Variants in RMDN2 observed in about 807,000 individuals in gnomAD.
RMDN2 encodes the protein regulator of microtubule dynamics 2, also known as regulator of microtubule dynamics protein 2.
A neutral mutation model predicts 52.8 loss-of-function variants in RMDN2; 61 were observed. That is an observed-to-expected ratio of 1.16 (90% CI 0.94 to 1.43). The LOEUF is 1.43. Ranked by LOEUF, RMDN2 falls within the 40% of genes most tolerant of loss-of-function variation. RMDN2 has a pLI of 0.00. For missense variants in RMDN2, 592 were observed against 475.3 expected (o/e 1.25, Z -2.28); for synonymous variants, 180 against 153.1 (o/e 1.18, Z -1.30).
intron 10 of RMDN2, among the ~76,000 whole-genome samples, chr2:38,050,753 TTTG>T (rs760343199): frequency 3.4e-4 from 52 of 152,102 alleles, no homozygotes; most frequent in Non-Finnish European, 6.2e-4. Flanking sequence ...TTTGTTTTAG[TTTG>T]TTGTTGTTGT....
chr2:37,949,365 C>T (rs1206964248), intron 2 of RMDN2, among the ~76,000 whole-genome samples: 1 of 152,168 alleles, frequency 6.6e-6, no homozygotes, highest in Non-Finnish European at 1.5e-5. Context: ...CTAAGCTCAG[C>T]GTTCTTTCCT....
chr2:37,988,807 C>G (rs561278546), intron 5 of RMDN2, among the ~76,000 whole-genome samples: 1 of 152,258 alleles, frequency 6.6e-6, no homozygotes, highest in South Asian at 2.1e-4. Context: ...AGCAACATAT[C>G]TTCAATTTTT....
chr2:37,959,812 C>G (rs933120783), intron 2 of RMDN2, among the ~76,000 whole-genome samples: 1 of 150,924 alleles, frequency 6.6e-6, no homozygotes, highest in Non-Finnish European at 1.5e-5. Flanking sequence ...CCTCTAATCA[C>G]TGCGTTAGCT....
In RMDN2 at chr2:38,043,347, G is replaced by A. The variant is rs2116229; in HGVS notation, c.1714-23635G>A. Among the ~76,000 whole-genome samples, 4 of 152,038 alleles carry A rather than the reference G, an allele frequency of 2.6e-5. No individual in the cohort carries two copies. The South Asian group carries it at 8.3e-4, about 32-fold the overall frequency. ...TTTAAATTAGTGTTAGCATGATACA[G>A]CTTTCTCCATCCCTTTACTTTTAAT... On this transcript the variant is annotated intron_variant, in intron 10 of 10. Transcript: ENST00000234195.
chr2:37,954,195 G>A (rs1021878398), intron 2 of RMDN2, among the ~76,000 whole-genome samples: 26 of 151,808 alleles, frequency 1.7e-4, no homozygotes, highest in South Asian at 1.0e-3. Context: ...AGAAGTTTTC[G>A]GTTTTGAGGT....
intron 2 of RMDN2, among the ~76,000 whole-genome samples, chr2:37,973,703 GCTGT>G (rs982074374): frequency 1.3e-5 from 2 of 152,090 alleles, no homozygotes; most frequent in Non-Finnish European, 1.5e-5. Context: ...GAGTTATGTG[GCTGT>G]CTAAGGAAAC....
At chr2:38,024,320 G>A (rs1463823905) in intron 10 of RMDN2, among the ~76,000 whole-genome samples, 2 of 152,094 alleles carry the variant, frequency 1.3e-5, no homozygotes, top group Non-Finnish European at 2.9e-5. Context: ...TAGGAAGTAT[G>A]GTAGATGTAT....
chr2:37,970,564 C>A (rs1384459141), intron 2 of RMDN2, among the ~76,000 whole-genome samples: 2 of 152,066 alleles, frequency 1.3e-5, no homozygotes, highest in Non-Finnish European at 2.9e-5. Context: ...ACCTGAGGGG[C>A]ATTCCATCTT....
intron 6 of RMDN2, among the ~76,000 whole-genome samples, chr2:37,989,866 G>A (rs1160682391): frequency 6.6e-5 from 10 of 152,068 alleles, no homozygotes; most frequent in Non-Finnish European, 1.3e-4. Context: ...TTAGTTGGCC[G>A]GGCACAGAGG....
At chr2:37,948,463 C>T (rs1668407989) in intron 2 of RMDN2, among the ~76,000 whole-genome samples, 1 of 151,866 alleles carries the variant, frequency 6.6e-6, no homozygotes, top group South Asian at 2.1e-4. Flanking sequence ...GGCCATAGGG[C>T]ATGATAAAAG....
chr2:37,982,623 ATAG>A (rs889049715), intron 5 of RMDN2, among the ~76,000 whole-genome samples: 11 of 152,120 alleles, frequency 7.2e-5, no homozygotes, highest in African/African-American at 2.7e-4. Context: ...TCGCGGATGG[ATAG>A]TAGAGAATCT....
At chr2:37,948,547 A>G (rs1668417994) in intron 2 of RMDN2, among the ~76,000 whole-genome samples, 1 of 152,158 alleles carries the variant, frequency 6.6e-6, no homozygotes, top group South Asian at 2.1e-4. Context: ...CATGTTTTAG[A>G]TGCTTGTCAT....
At chr2:37,945,367 A>G (rs1219217700) in intron 2 of RMDN2, among the ~76,000 whole-genome samples, 1 of 152,224 alleles carries the variant, frequency 6.6e-6, no homozygotes, top group East Asian at 1.9e-4. Context: ...TTGCACTCTT[A>G]GAGCTTACAT....
intron 10 of RMDN2, among the ~76,000 whole-genome samples, chr2:38,034,132 C>G (rs1253105749): frequency 6.6e-6 from 1 of 152,246 alleles, no homozygotes; most frequent in Non-Finnish European, 1.5e-5. Context: ...TGTGCTGAGG[C>G]AAGGCAGTGG....
At chr2:38,059,008 TAATA>T (rs1318692364) in intron 10 of RMDN2, among the ~76,000 whole-genome samples, 1 of 152,216 alleles carries the variant, frequency 6.6e-6, no homozygotes, top group Non-Finnish European at 1.5e-5. Flanking sequence ...CCCAAAGTAG[TAATA>T]AATAGTTACC....
At chr2:38,012,887 T>G (rs745925541) in intron 10 of RMDN2, among the ~76,000 whole-genome samples, 18 of 152,248 alleles carry the variant, frequency 1.2e-4, no homozygotes, top group Non-Finnish European at 2.5e-4. Flanking sequence ...GTTTCTTTCT[T>G]GTGGCATTTA....
At position 37,980,682 on chromosome 2, in the gene RMDN2, C is replaced by T. The variant is rs568535321; in HGVS notation, c.731-601C>T. Among the ~76,000 whole-genome samples, 5 of 152,120 alleles carry T rather than the reference C, an allele frequency of 3.3e-5. No individual in the cohort carries two copies. The East Asian group carries it at 9.7e-4, about 29-fold the overall frequency. ...TGGGGGAATTATTTATGTCACTGGC[C>T]CTGTTCATTATTGTGAATGATTAGG... On this transcript the variant is annotated intron_variant, in intron 4 of 10. Transcript: ENST00000354545.
At chr2:38,020,119 G>C (rs947203804), downstream of RMDN2, among the ~76,000 whole-genome samples, 1 of 152,064 alleles carries the variant, frequency 6.6e-6, no homozygotes, top group African/African-American at 2.4e-5. Context: ...ATTTTTCCCT[G>C]GATCCGCGGG....
chr2:38,051,852 GA>G (rs1024582877), intron 10 of RMDN2, among the ~76,000 whole-genome samples: 4 of 152,048 alleles, frequency 2.6e-5, no homozygotes, highest in African/African-American at 9.6e-5. Context: ...CAAATGACAT[GA>G]TTTTTTTTTT....
Sources: gnomAD v4.1 joint callset for allele counts (sites outside exome capture counted in the v4.1 genomes callset) on GRCh38, gnomAD v4.1.1 for gene constraint, MANE v1.5 for transcripts, NCBI Gene and HGNC (gene_info 2026-07-23, HGNC 2026-07-21) for gene names.